TFCP2: variants seen among roughly 807,000 people sequenced by gnomAD.
TFCP2 encodes the protein alpha-globin transcription factor CP2.
TFCP2 carries 33 observed loss-of-function variants against 73.4 expected under a neutral mutation model. That is an observed-to-expected ratio of 0.45 (90% CI 0.34 to 0.60). TFCP2 has a LOEUF of 0.60. Ranked by LOEUF, TFCP2 falls within the 20% of genes least tolerant of loss-of-function variation. TFCP2 has a pLI of 0.01. For missense variants in TFCP2, 352 were observed against 604.0 expected, an observed-to-expected ratio of 0.58 and a Z score of 4.37; for synonymous variants, 193 against 211.6, an observed-to-expected ratio of 0.91 and a Z score of 0.76.
At chr12:51,103,612 C>G (rs1180618654) in intron 10 of TFCP2, 58 bp downstream of exon 10, 8 of 1,379,228 alleles carry the variant, frequency 5.8e-6, no homozygotes, top group Non-Finnish European at 8.2e-6. Flanking sequence ...ACCAGGAGGC[C>G]CTAGAATGCA....
intron 1 of TFCP2, among the ~76,000 whole-genome samples, chr12:51,141,403 T>C (rs1941189225): frequency 1.3e-5 from 2 of 152,142 alleles, no homozygotes; most frequent in Admixed American, 6.6e-5. Context: ...ATATTTTCAT[T>C]ATGGCACTTC....
At chr12:51,139,220 C>T (rs1044885127) in intron 1 of TFCP2, among the ~76,000 whole-genome samples, 1 of 151,936 alleles carries the variant, frequency 6.6e-6, no homozygotes, top group African/African-American at 2.4e-5. Context: ...TAGAAATGTC[C>T]CTTCTCTGTT....
chr12:51,172,158 G>A, intron 1 of TFCP2, 143 bp downstream of exon 1: 2 of 1,207,572 alleles, frequency 1.7e-6, no homozygotes, highest in Non-Finnish European at 1.2e-6. Context: ...ACTACTCAAA[G>A]CGACAAAAGA....
rs553715345 is a variant in TFCP2 at position 51,105,242 on chromosome 12, C to T, written c.918-1039G>A. On this transcript the variant is annotated intron_variant, in intron 8 of 14. Coordinates refer to ENST00000257915, the MANE Select transcript of TFCP2 (RefSeq NM_005653.5). ...CCAAGTAGCTGGGATTACAGGCGCC[C>T]GCCGCCACACCTGGCTAATTTTTTT... Among the ~76,000 whole-genome samples the T allele has an allele frequency of 1.4e-3, 211 of 152,022 alleles. 1 individual carries two copies. Among genetic ancestry groups the T allele is most frequent in the African/African-American group, 4.6e-3 (189 of 41,454 alleles).
chr12:51,169,645 C>A (rs1271812158), intron 1 of TFCP2, among the ~76,000 whole-genome samples: 2 of 152,220 alleles, frequency 1.3e-5, no homozygotes, highest in Admixed American at 6.5e-5. Flanking sequence ...ATCACTTGAG[C>A]CCGGGAGATG....
intron 13 of TFCP2, among the ~76,000 whole-genome samples, chr12:51,097,456 C>T (rs2136957151): frequency 6.6e-6 from 1 of 151,444 alleles, no homozygotes; most frequent in Non-Finnish European, 1.5e-5. Flanking sequence ...CCATCTTGGA[C>T]ACGATGGTCT....
At chr12:51,096,923 C>T (rs1939977560) in intron 13 of TFCP2, among the ~76,000 whole-genome samples, 1 of 151,620 alleles carries the variant, frequency 6.6e-6, no homozygotes, top group African/African-American at 2.4e-5. Flanking sequence ...ACAATTTCAT[C>T]GAACTCATTC....
chr12:51,101,786 T>G, intron 11 of TFCP2, 149 bp downstream of exon 11: 1 of 518,034 alleles, frequency 1.9e-6, no homozygotes, highest in Non-Finnish European at 3.4e-6. Context: ...GAAAACATTT[T>G]TCTAAAATCT....
In TFCP2 at chr12:51,104,206, A is replaced by G; in HGVS notation, c.918-3T>C. The G allele has an allele frequency of 6.2e-7, 1 of 1,613,776 alleles. No homozygotes were observed. The highest frequency in any genetic ancestry group is 2.2e-5 in the East Asian group (1 of 44,872). On this transcript the variant is annotated splice_polypyrimidine_tract_variant and splice_region_variant and intron_variant, in intron 8 of 14. Transcript: ENST00000257915. ...GCTGGTGGTTTGGTGAACCATTTCT[A>G]AAGAAACATTTAAAATGAAAGGATG...
intron 1 of TFCP2, among the ~76,000 whole-genome samples, chr12:51,165,907 A>G (rs1397547680): frequency 6.6e-6 from 1 of 152,120 alleles, no homozygotes; most frequent in Non-Finnish European, 1.5e-5. Flanking sequence ...CCAGCTACTC[A>G]GGAGGCTGAG....
chr12:51,163,348 G>C (rs1161119444), intron 1 of TFCP2, among the ~76,000 whole-genome samples: 1 of 152,154 alleles, frequency 6.6e-6, no homozygotes, highest in Non-Finnish European at 1.5e-5. Flanking sequence ...CCAGCACTTT[G>C]GGAGGCCAAG....
At chr12:51,112,422 G>T (rs1940424636) in intron 4 of TFCP2, among the ~76,000 whole-genome samples, 1 of 152,176 alleles carries the variant, frequency 6.6e-6, no homozygotes, top group Non-Finnish European at 1.5e-5. Context: ...CATGAAAACT[G>T]TAATTTATAA....
chr12:51,097,049 G>A (rs187649873), intron 13 of TFCP2, among the ~76,000 whole-genome samples: 10 of 150,184 alleles, frequency 6.7e-5, no homozygotes, highest in African/African-American at 2.2e-4. Context: ...CGCAACCTCC[G>A]CCTCCTGGGT....
At chr12:51,130,678 A>T (rs1252441051) in intron 1 of TFCP2, among the ~76,000 whole-genome samples, 21 of 152,098 alleles carry the variant, frequency 1.4e-4, no homozygotes, top group Non-Finnish European at 1.5e-4. Flanking sequence ...ACTGGCTTAT[A>T]AATCTGTCTA....
intron 13 of TFCP2, among the ~76,000 whole-genome samples, chr12:51,098,002 G>A (rs1440417853): frequency 6.6e-6 from 1 of 151,718 alleles, no homozygotes; most frequent in African/African-American, 2.4e-5. Context: ...GCGACAGAGT[G>A]AGACTCTGTC....
At chr12:51,141,848 G>A (rs562497754) in intron 1 of TFCP2, among the ~76,000 whole-genome samples, 1 of 149,880 alleles carries the variant, frequency 6.7e-6, no homozygotes, top group African/African-American at 2.4e-5. Flanking sequence ...AGAGGTTGCA[G>A]TGAGCCGAGA....
intron 7 of TFCP2, 24 bp from the exon 8 acceptor site, chr12:51,106,637 TA>T: frequency 6.3e-7 from 1 of 1,595,990 alleles, no homozygotes; most frequent in Non-Finnish European, 8.6e-7. Context: ...ATAAGTTAGA[TA>T]ATGAACGAGC....
At chr12:51,101,387 C>A (rs1592788244) in intron 11 of TFCP2, among the ~76,000 whole-genome samples, 1 of 152,132 alleles carries the variant, frequency 6.6e-6, no homozygotes, top group South Asian at 2.1e-4. Context: ...GACCTTTGCA[C>A]CTGTTGTTCC....
intron 1 of TFCP2, among the ~76,000 whole-genome samples, chr12:51,171,823 G>C (rs1276105127): frequency 6.6e-6 from 1 of 152,218 alleles, no homozygotes; most frequent in African/African-American, 2.4e-5. Context: ...CTTAAAGCAA[G>C]CTAGTGGTAA....
Sources: gnomAD v4.1 joint callset for allele counts (sites outside exome capture counted in the v4.1 genomes callset) on GRCh38, gnomAD v4.1.1 for gene constraint, MANE v1.5 for transcripts, NCBI Gene and HGNC (gene_info 2026-07-23, HGNC 2026-07-21) for gene names.